Variants in ANGPTL5 observed in about 807,000 individuals in gnomAD.
ANGPTL5 encodes angiopoietin-related protein 5.
A neutral mutation model predicts 39.4 loss-of-function variants in ANGPTL5; 34 were observed. The ratio of observed to expected loss-of-function variants is 0.86; its 90% CI spans 0.66 to 1.15. The LOEUF (loss-of-function observed/expected upper bound fraction) is 1.15. Ranked by LOEUF, ANGPTL5 falls within the 50% of genes most tolerant of loss-of-function variation. The pLI, the probability that ANGPTL5 is intolerant of heterozygous loss-of-function variation, is 0.00. For synonymous variants in ANGPTL5, 146 were observed against 152.1 expected (o/e 0.96, Z 0.29); for missense variants, 467 against 457.5 (o/e 1.02, Z -0.19).
chr11:101,902,809 T>C (rs1939928721), intron 5 of ANGPTL5, 88 bp from the exon 6 acceptor site: 1 of 742,534 alleles, frequency 1.3e-6, no homozygotes, highest in Non-Finnish European at 2.2e-6. Flanking sequence ...AGTGCTATTA[T>C]CATAATTTTC....
chr11:101,900,858 C>T (rs1437593617), intron 6 of ANGPTL5, among the ~76,000 whole-genome samples: 1 of 151,290 alleles, frequency 6.6e-6, no homozygotes, highest in Non-Finnish European at 1.5e-5. Flanking sequence ...TTTTTTTCCC[C>T]CCTTTTTTTT....
At chr11:101,893,854 C>T (rs563160633) in intron 8 of ANGPTL5, among the ~76,000 whole-genome samples, 13 of 152,280 alleles carry the variant, frequency 8.5e-5, no homozygotes, top group African/African-American at 2.2e-4. Context: ...ATTTTCCTCC[C>T]TCTATGCCTT....
chr11:101,908,780 C>CAAAAAAAAAAAAAAAAAAAAAAAA (rs59041644), intron 1 of ANGPTL5, among the ~76,000 whole-genome samples: 6 of 64,984 alleles, frequency 9.2e-5, no homozygotes, highest in African/African-American at 2.5e-4. Context: ...GACTCCATCT[C>CAAAAAAAAAAAAAAAAAAAAAAAA]AAAAAAAAAA....
intron 8 of ANGPTL5, among the ~76,000 whole-genome samples, chr11:101,892,805 G>T (rs574619239): frequency 6.6e-6 from 1 of 152,312 alleles, no homozygotes; most frequent in South Asian, 2.1e-4. Flanking sequence ...ATTTCTGAAA[G>T]TTTGGCATCT....
At chr11:101,894,833 G>T in intron 8 of ANGPTL5, 46 bp downstream of exon 8, 2 of 1,493,660 alleles carry the variant, frequency 1.3e-6, no homozygotes, top group Non-Finnish European at 1.9e-6. Flanking sequence ...TAATGAGTCA[G>T]TTATAATTTA....
At chr11:101,914,064 A>C (rs1326502087) in intron 1 of ANGPTL5, among the ~76,000 whole-genome samples, 1 of 152,222 alleles carries the variant, frequency 6.6e-6, no homozygotes, top group Non-Finnish European at 1.5e-5. Flanking sequence ...ATTGCAACCA[A>C]GTTTGCAAAG....
intron 1 of ANGPTL5, among the ~76,000 whole-genome samples, chr11:101,910,774 G>A (rs1242949228): frequency 6.6e-6 from 1 of 151,946 alleles, no homozygotes; most frequent in Non-Finnish European, 1.5e-5. Context: ...AACATTTCTT[G>A]CCACCTCCAC....
Position 101,909,867 on chromosome 11 carries a change from T to A in ANGPTL5, c.-92-1866A>T, listed in dbSNP as rs182791369. The stretch of plus-strand genomic sequence containing the variant: ...AACTGCAGCCTGACTTAGGAGTATA[T>A]TTTTTGTAACAAATAGTGGAGTTTC... On this transcript the variant is annotated intron_variant, in intron 1 of 8. Coordinates refer to ENST00000334289, the MANE Select transcript of ANGPTL5 (RefSeq NM_178127.5). Among the ~76,000 whole-genome samples the A allele has an allele frequency of 3.9e-5, 6 of 152,318 alleles. No homozygotes were observed. The East Asian group carries it at 1.2e-3, about 29-fold the overall frequency.
intron 7 of ANGPTL5, among the ~76,000 whole-genome samples, chr11:101,898,913 C>T (rs1326555348): frequency 1.3e-5 from 2 of 152,098 alleles, no homozygotes; most frequent in Non-Finnish European, 2.9e-5. Flanking sequence ...ATGTAATTTT[C>T]GTCATTGGTT....
rs898535267 is a variant in ANGPTL5, at chr11:101,908,928, T to C, written c.-92-927A>G. On this transcript the variant is annotated intron_variant, in intron 1 of 8. Coordinates refer to ENST00000334289, the MANE Select transcript of ANGPTL5 (RefSeq NM_178127.5). ...ATTGAAAATGACCACTCTTTGAAGG[T>C]TGATAGATGAATGTCTTCAAATTTT... Among the ~76,000 whole-genome samples, 6 of 152,212 alleles carry C rather than the reference T, an allele frequency of 3.9e-5. No homozygotes were observed. In the East Asian group the frequency reaches 7.7e-4, roughly 20 times the overall value.
chr11:101,902,839 T>A, intron 5 of ANGPTL5, 118 bp from the exon 6 acceptor site: 1 of 630,460 alleles, frequency 1.6e-6, no homozygotes, highest in South Asian at 2.3e-5. Flanking sequence ...TTATTTTAAC[T>A]TCTTCAAAAT....
Position 101,900,331 on chromosome 11 carries a change from G to C in ANGPTL5, c.661+99C>G. ...TTAAGTTATATTTTGATATTTGCAA[G>C]CATTTGCTATTTTTACTACAGATCT... On this transcript the variant is annotated intron_variant, in intron 7 of 8. Coordinates refer to ENST00000334289, the MANE Select transcript of ANGPTL5 (RefSeq NM_178127.5). The C allele has an allele frequency of 2.5e-6, 3 of 1,211,984 alleles. No homozygotes were observed. The South Asian group carries it at 3.9e-5, about 16-fold the overall frequency. 75.1% of individuals were successfully genotyped at this position (1,211,984 alleles called of 1,614,324 possible).
At chr11:101,900,363 T>C (rs777949849) in intron 7 of ANGPTL5, 67 bp downstream of exon 7, 26 of 1,511,978 alleles carry the variant, frequency 1.7e-5, no homozygotes, top group Middle Eastern at 3.4e-4. Context: ...ATCTGACCAA[T>C]AGAGGCTCTA....
At chr11:101,893,499 G>A (rs556172515) in intron 8 of ANGPTL5, among the ~76,000 whole-genome samples, 38 of 152,216 alleles carry the variant, frequency 2.5e-4, no homozygotes, top group African/African-American at 9.1e-4. Context: ...ATCAACAGTT[G>A]AAAGTTACTT....
At position 101,903,102 on chromosome 11, in the gene ANGPTL5, G is replaced by A. The variant is rs534371030; in HGVS notation, c.440-381C>T. 2.9e-3 allele frequency among the ~76,000 whole-genome samples: 444 copies of A among 152,224 alleles called. 2 individuals are homozygous for A. Among genetic ancestry groups the A allele is most frequent in the Middle Eastern group, 6.8e-3 (2 of 294 alleles). On this transcript the variant is annotated intron_variant, in intron 5 of 8. Transcript: ENST00000334289. The stretch of plus-strand genomic sequence containing the variant: ...TGTAAAGGAAATCTACATGAATAGG[G>A]AGGAGAAAACCAAAAGGAATAAGTA...
At chr11:101,908,459 TCAGAC>T (rs1940034682) in intron 1 of ANGPTL5, among the ~76,000 whole-genome samples, 5 of 152,226 alleles carry the variant, frequency 3.3e-5, no homozygotes, top group Admixed American at 3.3e-4. Context: ...AGCAGATAAT[TCAGAC>T]TTAAAATATA....
At chr11:101,901,588 G>A (rs932597346) in intron 6 of ANGPTL5, among the ~76,000 whole-genome samples, 11 of 152,126 alleles carry the variant, frequency 7.2e-5, no homozygotes, top group Admixed American at 5.2e-4. Flanking sequence ...AGGCAGTGTG[G>A]AGGAAGTTAA....
At chr11:101,913,236 T>TA (rs1043477383) in intron 1 of ANGPTL5, among the ~76,000 whole-genome samples, 3 of 152,078 alleles carry the variant, frequency 2.0e-5, no homozygotes, top group Non-Finnish European at 4.4e-5. Flanking sequence ...CTTTGTGTCC[T>TA]AAAAAAAATT....
At position 101,891,081 on chromosome 11, in the gene ANGPTL5, G is replaced by C; in HGVS notation, c.*198C>G. On this transcript the variant is annotated 3_prime_UTR_variant, in exon 9 of 9. Coordinates refer to ENST00000334289, the MANE Select transcript of ANGPTL5 (RefSeq NM_178127.5). ...TTGTATATTGTTAATATAGTCAGAAGTAAAAACATACAATAAGCCATGTTT... is the reference window on the plus strand; with the variant it reads ...TTGTATATTGTTAATATAGTCAGAACTAAAAACATACAATAAGCCATGTTT... 1 of 488,788 alleles carries C rather than the reference G, an allele frequency of 2.0e-6. No individual in the cohort carries two copies. Among genetic ancestry groups the C allele is most frequent in the Non-Finnish European group, 3.6e-6 (1 of 279,618 alleles). 30.3% of individuals were successfully genotyped at this position (488,788 alleles called of 1,614,324 possible).
Sources: allele counts gnomAD v4.1 joint callset (sites outside exome capture counted in the v4.1 genomes callset), GRCh38; gene constraint gnomAD v4.1.1; transcripts MANE v1.5; gene names NCBI Gene and HGNC (gene_info 2026-07-23, HGNC 2026-07-21).